Variants in PRRG1 observed in about 807,000 individuals in gnomAD.
The protein encoded by PRRG1 is transmembrane gamma-carboxyglutamic acid protein 1.
In PRRG1, 5 loss-of-function variants were observed where a neutral mutation model predicts 11.8. That is an observed-to-expected ratio of 0.42 (90% CI 0.22 to 0.89). PRRG1 has a LOEUF of 0.89. PRRG1 is among the 40% of genes least tolerant of loss of function. The probability of loss-of-function intolerance (pLI) is 0.28; values close to 1 mark genes in which losing one functional copy is unlikely to be tolerated. For missense variants in PRRG1, 155 were observed against 166.1 expected (o/e 0.93, Z 0.37); for synonymous variants, 66 against 60.4 (o/e 1.09, Z -0.43).
intron 3 of PRRG1, among the ~76,000 whole-genome samples, chrX:37,435,904 A>G (rs1210276483): frequency 1.8e-5 from 2 of 112,234 alleles, no homozygotes; most frequent in African/African-American, 6.5e-5. Flanking sequence ...TTCATTAATT[A>G]TAACAAATTT....
At chrX:37,395,781 A>G (rs1230260135) in intron 1 of PRRG1, among the ~76,000 whole-genome samples, 5 of 111,822 alleles carry the variant, frequency 4.5e-5, no homozygotes, top group Non-Finnish European at 7.5e-5. Context: ...TATGATACAG[A>G]TTCTATTATT....
At chrX:37,375,869 TCC>T (rs1282062774) in intron 1 of PRRG1, among the ~76,000 whole-genome samples, 1 of 111,783 alleles carries the variant, frequency 8.9e-6, no homozygotes, top group Non-Finnish European at 1.9e-5. Context: ...AGATTGGGCC[TCC>T]CTGGAGTTTC....
At chrX:37,382,631 T>G (rs1015419612) in intron 1 of PRRG1, among the ~76,000 whole-genome samples, 3 of 111,552 alleles carry the variant, frequency 2.7e-5, no homozygotes, top group Non-Finnish European at 3.8e-5. Context: ...TATAGGAAGA[T>G]TCTTATAATG....
At chrX:37,402,904 G>T (rs1328751098) in intron 1 of PRRG1, among the ~76,000 whole-genome samples, 1 of 112,135 alleles carries the variant, frequency 8.9e-6, no homozygotes, top group African/African-American at 3.2e-5. Context: ...GGCCATCAGA[G>T]AAATGCAAAT....
At position 37,453,848 on chromosome X, in the gene PRRG1, G is replaced by A. The variant is rs1921252495; in HGVS notation, c.*227G>A. The A allele has an allele frequency of 2.8e-6, 1 of 359,618 alleles. No homozygotes were observed. The allele number at this position is 359,618 out of a possible 1,213,427, so 29.6% of individuals were successfully genotyped here. ...GAAGAGGGAAAACATACTAATGGGG[G>A]TCTTTCTGTGATGTGATGAGACATA... On this transcript the variant is annotated 3_prime_UTR_variant, in exon 4 of 4. Transcript: ENST00000378628.
At chrX:37,425,308 A>T (rs1419008361) in intron 2 of PRRG1, among the ~76,000 whole-genome samples, 1 of 111,826 alleles carries the variant, frequency 8.9e-6, no homozygotes, top group Admixed American at 9.5e-5. Context: ...CAAAATTATT[A>T]TTAGGATTTC....
intron 1 of PRRG1, among the ~76,000 whole-genome samples, chrX:37,399,552 A>G (rs1361590319): frequency 9.3e-6 from 1 of 107,991 alleles, no homozygotes; most frequent in African/African-American, 3.4e-5. Context: ...GACCATCGAG[A>G]CTAGGAAGAA....
At chrX:37,442,690 T>C (rs947476403) in intron 3 of PRRG1, among the ~76,000 whole-genome samples, 4 of 110,960 alleles carry the variant, frequency 3.6e-5, no homozygotes, top group Non-Finnish European at 5.7e-5. Context: ...AAGCAAATGA[T>C]AACTTTTCTT....
chrX:37,369,801 G>A lies in PRRG1; in HGVS notation c.-42+20406G>A, dbSNP rs191771630. Among the ~76,000 whole-genome samples the A allele has an allele frequency of 5.4e-5, 6 of 111,556 alleles. No individual in the cohort carries two copies. In the Admixed American group the frequency reaches 5.7e-4, roughly 11 times the overall value. On this transcript the variant is annotated intron_variant, in intron 1 of 3. Coordinates refer to ENST00000378628, the MANE Select transcript of PRRG1 (RefSeq NM_001142395.2). ...ATACTGTTCTCCTGATAGTGAATAA[G>A]TCTCACGAGATCTGATGGTTTCATG...
chrX:37,360,081 CT>C (rs1930368171), intron 1 of PRRG1, among the ~76,000 whole-genome samples: 1 of 111,506 alleles, frequency 9.0e-6, no homozygotes, highest in South Asian at 3.7e-4. Flanking sequence ...ATTCATTGAT[CT>C]TTTCAAAAAA....
intron 2 of PRRG1, among the ~76,000 whole-genome samples, chrX:37,407,719 C>T (rs782762551): frequency 8.9e-6 from 1 of 111,735 alleles, no homozygotes; most frequent in African/African-American, 3.2e-5. Context: ...CATTACTGTC[C>T]TTACTAACTA....
chrX:37,442,675 A>C (rs868992797), intron 3 of PRRG1, among the ~76,000 whole-genome samples: 2 of 111,159 alleles, frequency 1.8e-5, no homozygotes, highest in Non-Finnish European at 3.8e-5. Context: ...ACTTTTTTTT[A>C]AAATAAGCAA....
In PRRG1 at chrX:37,453,363, C is replaced by A. The variant is rs201439152; in HGVS notation, c.399C>A (p.Pro133=). The part of the protein sequence containing the change: ...PQHLNIITPP[P]PPDEVFDSSG... ...ACCTTAATATTATCACCCCACCCCC[C>A]CCACCAGATGAAGTGTTTGACAGCA... is the stretch of plus-strand genomic sequence containing the variant. Residue 133 remains proline (P), a synonymous_variant, in exon 4 of 4, where the codon CCC becomes CCA. Transcript: ENST00000378628. 10 of 1,206,742 alleles carry A rather than the reference C, an allele frequency of 8.3e-6. No homozygotes were observed. Among genetic ancestry groups the A allele is most frequent in the African/African-American group, 5.3e-5 (3 of 56,399 alleles).
intron 1 of PRRG1, among the ~76,000 whole-genome samples, chrX:37,405,119 T>C (rs934537560): frequency 5.3e-5 from 6 of 112,289 alleles, no homozygotes; most frequent in Non-Finnish European, 7.5e-5. Flanking sequence ...AAGCATGGGC[T>C]CTGTATCAAC....
chrX:37,383,525 A>G (rs1215337426), intron 1 of PRRG1, among the ~76,000 whole-genome samples: 1 of 111,064 alleles, frequency 9.0e-6, no homozygotes, highest in Non-Finnish European at 1.9e-5. Context: ...GTTACATCTC[A>G]CAGAAATAAC....
At chrX:37,395,450 C>G (rs184470217) in intron 1 of PRRG1, among the ~76,000 whole-genome samples, 1 of 110,039 alleles carries the variant, frequency 9.1e-6, no homozygotes, top group East Asian at 2.8e-4. Flanking sequence ...CCTGTTTCTA[C>G]TAAAAATGCA....
chrX:37,356,861 A>C (rs1556366328), intron 1 of PRRG1, among the ~76,000 whole-genome samples: 1 of 111,501 alleles, frequency 9.0e-6, no homozygotes, highest in African/African-American at 3.3e-5. Flanking sequence ...GACATCCTGT[A>C]CCACAGTGGT....
intron 3 of PRRG1, among the ~76,000 whole-genome samples, chrX:37,442,640 AG>A (rs1933005798): frequency 9.0e-6 from 1 of 111,419 alleles, no homozygotes; most frequent in South Asian, 3.9e-4. Flanking sequence ...ATTAAAATAA[AG>A]GGGGTCTTCA....
At chrX:37,361,339 C>CA (rs1420994688) in intron 1 of PRRG1, among the ~76,000 whole-genome samples, 764 of 66,579 alleles carry the variant, frequency 0.011, 5 homozygotes, top group East Asian at 0.021. Flanking sequence ...GAGACTCAGT[C>CA]AAAAAAAAAA....
Sources: allele counts gnomAD v4.1 joint callset (sites outside exome capture counted in the v4.1 genomes callset), GRCh38; gene constraint gnomAD v4.1.1; transcripts MANE v1.5; gene names NCBI Gene and HGNC (gene_info 2026-07-23, HGNC 2026-07-21).